The following ADGRL2 variants were observed in gnomAD, a reference collection of about 807,000 sequenced individuals.
ADGRL2 encodes calcium-independent alpha-latrotoxin receptor 2.
A neutral mutation model predicts 157.4 loss-of-function variants in ADGRL2; 44 were observed. That is an observed-to-expected ratio of 0.28 (90% CI 0.22 to 0.36). The LOEUF (loss-of-function observed/expected upper bound fraction) is 0.36, where lower values mean the gene tolerates loss of function less well. Among genes scored for constraint, ADGRL2 ranks in the 10% least tolerant of loss-of-function variants. The probability of loss-of-function intolerance (pLI) is 1.00; values close to 1 mark genes in which losing one functional copy is unlikely to be tolerated. For synonymous variants in ADGRL2, 585 were observed against 624.7 expected, an observed-to-expected ratio of 0.94 and a Z score of 0.95; for missense variants, 1,510 against 1,768.9, an observed-to-expected ratio of 0.85 and a Z score of 2.63.
intron 1 of ADGRL2, among the ~76,000 whole-genome samples, chr1:81,707,338 C>T (rs747422049): frequency 6.6e-5 from 10 of 152,068 alleles, no homozygotes; most frequent in Non-Finnish European, 1.0e-4. Context: ...TCCACTCCAC[C>T]CACTGTTCAT....
At chr1:81,541,756 C>T (rs1189678044) in intron 2 of ADGRL2, among the ~76,000 whole-genome samples, 5 of 150,550 alleles carry the variant, frequency 3.3e-5, no homozygotes, top group Admixed American at 2.7e-4. Flanking sequence ...TGGAGAACAG[C>T]CTGACCAACA....
intron 2 of ADGRL2, among the ~76,000 whole-genome samples, chr1:81,763,376 G>A (rs2085969360): frequency 6.6e-6 from 1 of 151,762 alleles, no homozygotes; most frequent in Non-Finnish European, 1.5e-5. Flanking sequence ...CCTAAGGTCA[G>A]GAGTTTGTAA....
At chr1:81,430,690 G>A (rs912458586) in intron 1 of ADGRL2, among the ~76,000 whole-genome samples, 1 of 151,920 alleles carries the variant, frequency 6.6e-6, no homozygotes, top group Admixed American at 6.6e-5. Context: ...TGTTGTTGTT[G>A]TTTTTAATAG....
chr1:81,897,613 T>C (rs1557867673), intron 2 of ADGRL2, among the ~76,000 whole-genome samples: 1 of 152,184 alleles, frequency 6.6e-6, no homozygotes, highest in South Asian at 2.1e-4. Flanking sequence ...GTCAAAAGGC[T>C]TTTCAGAAGT....
At chr1:81,770,707 A>G (rs1343997357) in intron 2 of ADGRL2, among the ~76,000 whole-genome samples, 1 of 147,858 alleles carries the variant, frequency 6.8e-6, no homozygotes, top group Non-Finnish European at 1.5e-5. Context: ...TCCTGACCTC[A>G]GGTGATCCAC....
intron 2 of ADGRL2, among the ~76,000 whole-genome samples, chr1:81,519,657 C>T (rs1390775211): frequency 6.6e-6 from 1 of 152,136 alleles, no homozygotes; most frequent in Non-Finnish European, 1.5e-5. Flanking sequence ...TTTACTATCT[C>T]CTTTCAAATG....
intron 6 of ADGRL2, among the ~76,000 whole-genome samples, chr1:81,947,864 T>A (rs149413368): frequency 6.6e-6 from 1 of 152,298 alleles, no homozygotes; most frequent in African/African-American, 2.4e-5. Context: ...GATATCCCAA[T>A]ATTTCACTGA....
At position 81,914,090 on chromosome 1, in the gene ADGRL2, T is replaced by TC. The variant is rs139903456; in HGVS notation, c.287+6861dup. ...ATCAAGAAAATTCATTACAATGCAC[T>TC]CACAGTTCTGCCAGTGTACTCTGGC... is the stretch of plus-strand genomic sequence containing the variant. On this transcript the variant is annotated intron_variant, in intron 3 of 23. Coordinates refer to ENST00000686636, the MANE Select transcript of ADGRL2 (RefSeq NM_001366006.2). Among the ~76,000 whole-genome samples, 1,413 of 152,072 alleles carry TC rather than the reference T, an allele frequency of 9.3e-3. 21 individuals are homozygous for TC. Among genetic ancestry groups the TC allele is most frequent in the African/African-American group, 0.033 (1,351 of 41,460 alleles).
At chr1:81,809,084 G>T (rs987829017) in intron 1 of ADGRL2, among the ~76,000 whole-genome samples, 2 of 151,954 alleles carry the variant, frequency 1.3e-5, no homozygotes, top group Non-Finnish European at 2.9e-5. Flanking sequence ...ACAAGAAAAC[G>T]TATGCTGAGC....
At chr1:81,413,205 C>T (rs1456734708) in intron 1 of ADGRL2, among the ~76,000 whole-genome samples, 4 of 152,090 alleles carry the variant, frequency 2.6e-5, no homozygotes, top group African/African-American at 7.2e-5. Context: ...GCTTCTAGAA[C>T]CCCTGCTAGA....
At chr1:81,684,717 C>A (rs2083194298) in intron 3 of ADGRL2, among the ~76,000 whole-genome samples, 1 of 152,166 alleles carries the variant, frequency 6.6e-6, no homozygotes, top group Non-Finnish European at 1.5e-5. Context: ...AAGCTAATGT[C>A]TAGAAGGGTT....
chr1:81,348,397 C>A (rs1344110309), intron 1 of ADGRL2, among the ~76,000 whole-genome samples: 2 of 152,168 alleles, frequency 1.3e-5, no homozygotes, highest in Non-Finnish European at 2.9e-5. Flanking sequence ...TTGACAGTAG[C>A]CTTTCTCCTT....
chr1:81,751,626 T>C (rs2085492969), intron 1 of ADGRL2, among the ~76,000 whole-genome samples: 1 of 152,212 alleles, frequency 6.6e-6, no homozygotes, highest in African/African-American at 2.4e-5. Flanking sequence ...CATTTTGTTA[T>C]AAATGACATT....
chr1:81,458,656 C>T (rs1415630707), intron 2 of ADGRL2, among the ~76,000 whole-genome samples: 1 of 152,176 alleles, frequency 6.6e-6, no homozygotes, highest in Non-Finnish European at 1.5e-5. Flanking sequence ...ACAGGGCATG[C>T]CACAAAGTGG....
chr1:81,354,027 G>C (rs888948803), intron 1 of ADGRL2, among the ~76,000 whole-genome samples: 2 of 152,168 alleles, frequency 1.3e-5, no homozygotes, highest in Admixed American at 1.3e-4. Flanking sequence ...TGAAAAGGGA[G>C]AGTAACAGCA....
intron 1 of ADGRL2, among the ~76,000 whole-genome samples, chr1:81,392,984 CT>C (rs1318641626): frequency 6.6e-6 from 1 of 152,032 alleles, no homozygotes; most frequent in African/African-American, 2.4e-5. Context: ...TCCTCTTTCA[CT>C]GTTTGTACAC....
At chr1:81,755,507 C>T (rs1287577428) in intron 1 of ADGRL2, among the ~76,000 whole-genome samples, 2 of 151,648 alleles carry the variant, frequency 1.3e-5, no homozygotes, top group African/African-American at 2.4e-5. Flanking sequence ...AGGGAAAGAG[C>T]ATTCATGGAT....
At chr1:81,532,409 CT>C (rs995986129) in intron 2 of ADGRL2, among the ~76,000 whole-genome samples, 3 of 151,868 alleles carry the variant, frequency 2.0e-5, no homozygotes, top group Non-Finnish European at 4.4e-5. Context: ...CATACATTTT[CT>C]TTTTTTTAAC....
At chr1:81,774,472 T>A (rs1218410934) in intron 2 of ADGRL2, among the ~76,000 whole-genome samples, 1 of 152,172 alleles carries the variant, frequency 6.6e-6, no homozygotes, top group East Asian at 1.9e-4. Flanking sequence ...GAATTTTGGG[T>A]GGCATTTTTT....
Sources: gnomAD v4.1 joint callset for allele counts (sites outside exome capture counted in the v4.1 genomes callset) on GRCh38, gnomAD v4.1.1 for gene constraint, MANE v1.5 for transcripts, NCBI Gene and HGNC (gene_info 2026-07-23, HGNC 2026-07-21) for gene names.